Variants in HS6ST3 observed in about 807,000 individuals in gnomAD.
The protein encoded by HS6ST3 is heparan sulfate 6-O-sulfotransferase 3.
Under a neutral mutation model 36.7 loss-of-function variants are expected in HS6ST3, and 12 were observed. The observed-to-expected ratio is 0.33, with a 90% CI of 0.21 to 0.53. The LOEUF (loss-of-function observed/expected upper bound fraction) is 0.53. Ranked by LOEUF, HS6ST3 falls within the 20% of genes least tolerant of loss-of-function variation. The pLI is 0.95. For synonymous variants in HS6ST3, 240 were observed against 257.5 expected (o/e 0.93, Z 0.65); for missense variants, 584 against 640.9 (o/e 0.91, Z 0.96).
rs571552605 is a variant in HS6ST3 at position 96,713,748 on chromosome 13, A to G, written c.708-118742A>G. Among the ~76,000 whole-genome samples the G allele has an allele frequency of 1.1e-4, 16 of 152,274 alleles. No individual in the cohort carries two copies. In the South Asian group the frequency reaches 2.5e-3, roughly 24 times the overall value. On this transcript the variant is annotated intron_variant, in intron 1 of 1. Coordinates refer to ENST00000376705, the MANE Select transcript of HS6ST3 (RefSeq NM_153456.4). ...AAAGAGAAATAAGTTCTTTATCTTT[A>G]GAGTGAAAAATTACAAGATTTTCCA...
At chr13:96,429,134 C>A (rs866922153) in intron 1 of HS6ST3, among the ~76,000 whole-genome samples, 4 of 152,108 alleles carry the variant, frequency 2.6e-5, no homozygotes, top group Non-Finnish European at 5.9e-5. Flanking sequence ...TCTTTGAGTA[C>A]TGTATGTGCA....
chr13:96,455,542 G>C (rs1338629928), intron 1 of HS6ST3, among the ~76,000 whole-genome samples: 4 of 152,034 alleles, frequency 2.6e-5, no homozygotes, highest in African/African-American at 9.7e-5. Context: ...AAGGGTAATT[G>C]GGTATCAGTC....
chr13:96,589,869 G>T (rs1294795723), intron 1 of HS6ST3, among the ~76,000 whole-genome samples: 1 of 151,990 alleles, frequency 6.6e-6, no homozygotes, highest in Non-Finnish European at 1.5e-5. Flanking sequence ...CAATGCTTCT[G>T]CTCTCTGTCT....
At chr13:96,335,612 A>C (rs2055096772) in intron 1 of HS6ST3, among the ~76,000 whole-genome samples, 1 of 152,076 alleles carries the variant, frequency 6.6e-6, no homozygotes, top group Non-Finnish European at 1.5e-5. Context: ...TAACTTCTGG[A>C]TGAGGAATCT....
intron 1 of HS6ST3, among the ~76,000 whole-genome samples, chr13:96,172,595 A>C (rs1169472524): frequency 6.6e-6 from 1 of 152,188 alleles, no homozygotes; most frequent in Non-Finnish European, 1.5e-5. Context: ...TTAATTGTAA[A>C]TAAATTATTA....
At chr13:96,668,869 G>A (rs1010648905) in intron 1 of HS6ST3, among the ~76,000 whole-genome samples, 1 of 151,260 alleles carries the variant, frequency 6.6e-6, no homozygotes, top group East Asian at 1.9e-4. Flanking sequence ...AATTCTTGCT[G>A]ATAAGAAGAG....
intron 1 of HS6ST3, among the ~76,000 whole-genome samples, chr13:96,283,333 C>G (rs2054784577): frequency 6.6e-6 from 1 of 152,304 alleles, no homozygotes; most frequent in Middle Eastern, 3.4e-3. Flanking sequence ...TCCATCCCAG[C>G]AAAAGCTGTT....
intron 1 of HS6ST3, among the ~76,000 whole-genome samples, chr13:96,196,401 C>G (rs1321177779): frequency 2.6e-5 from 4 of 152,132 alleles, no homozygotes; most frequent in Non-Finnish European, 5.9e-5. Flanking sequence ...AATGTCTCCT[C>G]TGCTCTCTAC....
chr13:96,110,111 G>T (rs1566884096), intron 1 of HS6ST3, among the ~76,000 whole-genome samples: 1 of 152,066 alleles, frequency 6.6e-6, no homozygotes, highest in African/African-American at 2.4e-5. Flanking sequence ...AGTTTATTTG[G>T]CTCACAGTTC....
chr13:96,131,241 A>G (rs750333649), intron 1 of HS6ST3, among the ~76,000 whole-genome samples: 2 of 152,184 alleles, frequency 1.3e-5, no homozygotes, highest in African/African-American at 2.4e-5. Flanking sequence ...AGAGAAGAGT[A>G]TATTTTACTT....
At chr13:96,573,929 G>A (rs2056310654) in intron 1 of HS6ST3, 1 of 522,052 alleles carries the variant, frequency 1.9e-6, no homozygotes, top group South Asian at 1.4e-5. Context: ...GAATCCGGAG[G>A]TGACTGCACA....
chr13:96,097,711 T>C (rs1024761286), intron 1 of HS6ST3, among the ~76,000 whole-genome samples: 1 of 152,218 alleles, frequency 6.6e-6, no homozygotes, highest in Non-Finnish European at 1.5e-5. Flanking sequence ...AGCTGAGCAT[T>C]CATGTATTGG....
chr13:96,552,927 G>C (rs1009381972), intron 1 of HS6ST3, among the ~76,000 whole-genome samples: 1 of 152,172 alleles, frequency 6.6e-6, no homozygotes, highest in Non-Finnish European at 1.5e-5. Context: ...GATAAGTCCA[G>C]TTATAATGGC....
chr13:96,461,970 A>G (rs1287208741), intron 1 of HS6ST3, among the ~76,000 whole-genome samples: 1 of 152,244 alleles, frequency 6.6e-6, no homozygotes, highest in Non-Finnish European at 1.5e-5. Context: ...AGAGTGTATA[A>G]TGATCAAGTT....
At chr13:96,766,430 T>C (rs1478397742) in intron 1 of HS6ST3, among the ~76,000 whole-genome samples, 1 of 152,170 alleles carries the variant, frequency 6.6e-6, no homozygotes, top group Non-Finnish European at 1.5e-5. Context: ...ATTTTCCCCC[T>C]ATTTTCTTCA....
At chr13:96,128,495 A>T (rs2053961819) in intron 1 of HS6ST3, among the ~76,000 whole-genome samples, 1 of 152,112 alleles carries the variant, frequency 6.6e-6, no homozygotes, top group South Asian at 2.1e-4. Flanking sequence ...TCTCCTCCTT[A>T]GTTGGCTCCT....
At chr13:96,441,881 C>G (rs143288852) in intron 1 of HS6ST3, among the ~76,000 whole-genome samples, 3 of 151,932 alleles carry the variant, frequency 2.0e-5, no homozygotes, top group East Asian at 3.9e-4. Context: ...GTTCAATGTT[C>G]AACTGGTAGG....
At chr13:96,105,028 C>T (rs1333355284) in intron 1 of HS6ST3, among the ~76,000 whole-genome samples, 1 of 111,992 alleles carries the variant, frequency 8.9e-6, no homozygotes, top group Non-Finnish European at 1.9e-5. Context: ...ATTATTTGCA[C>T]AGGACAAATA....
rs761201769 is a variant in HS6ST3, at chr13:96,632,343, G to GT, written c.708-200140dup. 5.1e-3 allele frequency among the ~76,000 whole-genome samples: 772 copies of GT among 150,530 alleles called. 6 individuals are homozygous for GT. Among genetic ancestry groups the GT allele is most frequent in the Non-Finnish European group, 7.9e-3 (537 of 67,664 alleles). ...TTTGTTTGTTTGTTTTTGTTTTTTTGTTTTTTTCTGACCCATTCTAGGGCA... is the reference window on the plus strand; with the variant it reads ...TTTGTTTGTTTGTTTTTGTTTTTTTGTTTTTTTTCTGACCCATTCTAGGGCA... On this transcript the variant is annotated intron_variant, in intron 1 of 1. Transcript: ENST00000376705.
Sources: gnomAD v4.1 joint callset for allele counts (sites outside exome capture counted in the v4.1 genomes callset) on GRCh38, gnomAD v4.1.1 for gene constraint, MANE v1.5 for transcripts, NCBI Gene and HGNC (gene_info 2026-07-23, HGNC 2026-07-21) for gene names.